The following GPC6 variants were observed in gnomAD, a reference collection of about 807,000 sequenced individuals.
The protein encoded by GPC6 is glypican-6.
Under a neutral mutation model 55.2 loss-of-function variants are expected in GPC6, and 14 were observed. The ratio of observed to expected loss-of-function variants is 0.25; its 90% CI spans 0.17 to 0.40. GPC6 has a LOEUF of 0.40. Ranked by LOEUF, GPC6 falls within the 10% of genes least tolerant of loss-of-function variation. The pLI is 1.00. For missense variants in GPC6, 641 were observed against 708.5 expected (o/e 0.90, Z 1.08); for synonymous variants, 278 against 259.6 (o/e 1.07, Z -0.68).
chr13:93,901,114 A>G (rs983215947), intron 3 of GPC6, among the ~76,000 whole-genome samples: 1 of 152,218 alleles, frequency 6.6e-6, no homozygotes, highest in Non-Finnish European at 1.5e-5. Flanking sequence ...TTTAAAAACG[A>G]TGATCAATTG....
At chr13:93,320,632 A>ATT (rs1019245592) in intron 1 of GPC6, among the ~76,000 whole-genome samples, 10 of 151,434 alleles carry the variant, frequency 6.6e-5, no homozygotes, top group African/African-American at 2.4e-4. Flanking sequence ...TAGTGTATAT[A>ATT]TTATATATAT....
intron 1 of GPC6, among the ~76,000 whole-genome samples, chr13:93,306,505 G>A (rs1012579927): frequency 8.6e-5 from 13 of 151,878 alleles, no homozygotes; most frequent in African/African-American, 3.1e-4. Flanking sequence ...GATTTCAGAG[G>A]GGACAACAAA....
At chr13:94,242,403 C>CA (rs1401345815) in intron 4 of GPC6, among the ~76,000 whole-genome samples, 2 of 151,992 alleles carry the variant, frequency 1.3e-5, no homozygotes, top group East Asian at 3.9e-4. Context: ...AGTATATACC[C>CA]AAAGGATTAT....
In GPC6 at chr13:93,227,555, C is replaced by T. The variant is rs1875838918; in HGVS notation, c.99C>T (p.Val33=). The T allele has an allele frequency of 6.2e-7, 1 of 1,612,816 alleles. No individual in the cohort carries two copies. Among genetic ancestry groups the T allele is most frequent in the Non-Finnish European group, 8.5e-7 (1 of 1,179,406 alleles). The part of the protein sequence containing the change: ...ADVKARSCGE[V]RQAYGAKGFS... The stretch of plus-strand genomic sequence containing the variant: ...TGAAGGCTCGGAGCTGCGGAGAGGT[C>T]CGCCAGGCGTACGGTGCCAAGGGAT... Residue 33 remains valine (V), a synonymous_variant, in exon 1 of 9, where the codon GTC becomes GTT. Coordinates refer to ENST00000377047, the MANE Select transcript of GPC6 (RefSeq NM_005708.5). The surrounding 1 kb of genome is among the most constrained non-coding windows in gnomAD (Gnocchi z 4.3).
chr13:93,588,466 C>T (rs990092471), intron 2 of GPC6, among the ~76,000 whole-genome samples: 4 of 151,982 alleles, frequency 2.6e-5, no homozygotes, highest in Admixed American at 2.6e-4. Context: ...TGCCCTAATT[C>T]ATAGATTTTG....
At chr13:93,854,306 A>C (rs1227459730) in intron 3 of GPC6, among the ~76,000 whole-genome samples, 3 of 151,712 alleles carry the variant, frequency 2.0e-5, no homozygotes, top group Non-Finnish European at 4.4e-5. Flanking sequence ...GTATTTATTG[A>C]TCCAAGCTAC....
chr13:94,380,256 C>CTTTTAT (rs1880100997), intron 6 of GPC6, among the ~76,000 whole-genome samples: 1 of 152,140 alleles, frequency 6.6e-6, no homozygotes, highest in Non-Finnish European at 1.5e-5. Context: ...AGGTCGTGGT[C>CTTTTAT]ATTTTCTGAA....
At chr13:93,837,551 T>C (rs1423046864) in intron 3 of GPC6, among the ~76,000 whole-genome samples, 3 of 152,214 alleles carry the variant, frequency 2.0e-5, no homozygotes, top group Non-Finnish European at 4.4e-5. Flanking sequence ...ATTTTGTATG[T>C]CAAGTACTGT....
chr13:94,138,657 G>T (rs564090241), intron 4 of GPC6, among the ~76,000 whole-genome samples: 2 of 152,072 alleles, frequency 1.3e-5, no homozygotes, highest in African/African-American at 4.8e-5. Context: ...TACGTTTATT[G>T]ATCTTACCAT....
chr13:93,996,763 C>T (rs1014500795), intron 3 of GPC6, among the ~76,000 whole-genome samples: 1 of 152,014 alleles, frequency 6.6e-6, no homozygotes, highest in Non-Finnish European at 1.5e-5. Flanking sequence ...TGGAAGTATG[C>T]TTTTGCTCTT....
At chr13:94,397,040 C>T (rs963431119) in intron 7 of GPC6, among the ~76,000 whole-genome samples, 1 of 152,090 alleles carries the variant, frequency 6.6e-6, no homozygotes, top group African/African-American at 2.4e-5. Context: ...TACTGCAGTG[C>T]CTGGTAGTTA....
intron 1 of GPC6, among the ~76,000 whole-genome samples, chr13:93,519,275 G>C (rs1594231589): frequency 6.6e-6 from 1 of 152,038 alleles, no homozygotes; most frequent in East Asian, 1.9e-4. Context: ...ACATTTATTA[G>C]TTTAATGAAC....
At chr13:94,040,864 C>T (rs751080546) in intron 4 of GPC6, among the ~76,000 whole-genome samples, 4 of 151,882 alleles carry the variant, frequency 2.6e-5, no homozygotes, top group Non-Finnish European at 5.9e-5. Flanking sequence ...ATGGTTACTA[C>T]GTGTCCTTAC....
intron 3 of GPC6, among the ~76,000 whole-genome samples, chr13:94,008,648 T>A (rs973491735): frequency 6.6e-6 from 1 of 152,146 alleles, no homozygotes; most frequent in African/African-American, 2.4e-5. Flanking sequence ...CAAGACTAGG[T>A]CTCTAAATAA....
At chr13:94,326,791 C>T (rs1029731837) in intron 6 of GPC6, among the ~76,000 whole-genome samples, 11 of 152,168 alleles carry the variant, frequency 7.2e-5, no homozygotes, top group South Asian at 2.1e-4. Flanking sequence ...AGTTAAATGG[C>T]GGGAAGCAAC....
intron 1 of GPC6, among the ~76,000 whole-genome samples, chr13:93,364,369 T>G (rs536698922): frequency 6.6e-6 from 1 of 152,214 alleles, no homozygotes; most frequent in Non-Finnish European, 1.5e-5. Context: ...AGAGGAGATG[T>G]AAGAAAATCA....
chr13:94,151,889 T>G (rs1477998370), intron 4 of GPC6, among the ~76,000 whole-genome samples: 2 of 152,142 alleles, frequency 1.3e-5, no homozygotes, highest in African/African-American at 4.8e-5. Context: ...ATATATAAAT[T>G]TAATTGTATG....
At chr13:94,066,474 TGTTAG>T (rs1884522388) in intron 4 of GPC6, among the ~76,000 whole-genome samples, 2 of 152,166 alleles carry the variant, frequency 1.3e-5, no homozygotes, top group African/African-American at 4.8e-5. Flanking sequence ...GAAGATTGGG[TGTTAG>T]TAAGCCATCA....
intron 1 of GPC6, among the ~76,000 whole-genome samples, chr13:93,469,925 A>G (rs748464661): frequency 4.6e-5 from 7 of 152,132 alleles, no homozygotes; most frequent in Admixed American, 2.0e-4. Flanking sequence ...TTTAATGACC[A>G]TATTGGGGGA....
Sources: gnomAD v4.1 joint callset for allele counts (sites outside exome capture counted in the v4.1 genomes callset) on GRCh38, gnomAD v4.1.1 for gene constraint, Gnocchi (gnomAD v3.1) non-coding constraint, MANE v1.5 for transcripts, NCBI Gene and HGNC (gene_info 2026-07-23, HGNC 2026-07-21) for gene names.